The following ERICH3 variants were observed in gnomAD, a reference collection of about 807,000 sequenced individuals.
ERICH3 encodes glutamate rich 3, also known as glutamate-rich protein 3.
A neutral mutation model predicts 131.1 loss-of-function variants in ERICH3; 126 were observed. The ratio of observed to expected loss-of-function variants is 0.96; its 90% CI spans 0.83 to 1.11. The LOEUF is 1.11. ERICH3 is among the 50% of genes most tolerant of loss of function. The probability of loss-of-function intolerance (pLI) is 0.00; values close to 1 mark genes in which losing one functional copy is unlikely to be tolerated. For synonymous variants in ERICH3, 695 were observed against 644.6 expected (o/e 1.08, Z -1.18); for missense variants, 2,050 against 1,810.7 (o/e 1.13, Z -2.40).
intron 6 of ERICH3, among the ~76,000 whole-genome samples, chr1:74,635,418 C>A (rs1396664738): frequency 6.6e-6 from 1 of 152,118 alleles, no homozygotes; most frequent in Non-Finnish European, 1.5e-5. Flanking sequence ...TATACTTTTA[C>A]TGTGAAACAC....
At chr1:74,672,931 C>T (rs1646755051) in intron 1 of ERICH3, among the ~76,000 whole-genome samples, 1 of 152,130 alleles carries the variant, frequency 6.6e-6, no homozygotes, top group Non-Finnish European at 1.5e-5. Context: ...CTCTCTTTTC[C>T]TGTGCCATAT....
chr1:74,569,042 C>A lies in ERICH3; in HGVS notation c.*1416G>T, dbSNP rs1646905497. ...TTTTGATCATTGAATGGCTCCATTA[C>A]ACATTAAAATGGAAAATACCTACTA... On this transcript the variant is annotated 3_prime_UTR_variant, in exon 15 of 15. Transcript: ENST00000326665. 6.6e-6 allele frequency: 1 copy of A among 152,180 alleles called. No homozygotes were observed. Among genetic ancestry groups the A allele is most frequent in the Non-Finnish European group, 1.5e-5 (1 of 68,040 alleles). The allele number at this position is 152,180 out of a possible 1,614,324, so 9.4% of individuals were successfully genotyped here. A position where few individuals can be genotyped will look rare whatever the true frequency, so the allele number is the denominator to read the frequency against.
chr1:74,597,650 G>A (rs554138541), intron 11 of ERICH3, among the ~76,000 whole-genome samples: 22 of 151,896 alleles, frequency 1.4e-4, no homozygotes, highest in East Asian at 1.4e-3. Context: ...AAACATCTTC[G>A]TATTATTGGT....
In ERICH3 at chr1:74,588,953, A is replaced by G. The variant is rs111728228; in HGVS notation, c.2176+678T>C. On this transcript the variant is annotated intron_variant, in intron 12 of 14. Coordinates refer to ENST00000326665, the MANE Select transcript of ERICH3 (RefSeq NM_001002912.5). ...GTTTGGAATCTTGTAAGAAAATTTT[A>G]CACTATTATCTAAATCTAAATTCAT... is the stretch of plus-strand genomic sequence containing the variant. 2.9e-3 allele frequency among the ~76,000 whole-genome samples: 437 copies of G among 152,316 alleles called. 3 individuals are homozygous for G. Among genetic ancestry groups the G allele is most frequent in the African/African-American group, 0.01 (425 of 41,578 alleles).
intron 7 of ERICH3, among the ~76,000 whole-genome samples, chr1:74,631,495 A>G (rs1358644916): frequency 6.6e-6 from 1 of 152,110 alleles, no homozygotes; most frequent in Non-Finnish European, 1.5e-5. Context: ...AAGAATTGTT[A>G]AATCTTTTAT....
chr1:74,571,692 C>T lies in ERICH3; in HGVS notation c.4018G>A (p.Val1340Met). The T allele has an allele frequency of 6.2e-7, 1 of 1,614,096 alleles. No homozygotes were observed. Among genetic ancestry groups the T allele is most frequent in the South Asian group, 1.1e-5 (1 of 91,072 alleles). The change falls in exon 14 of 15, where the codon GTG (valine) becomes ATG (methionine). Residue 1340 changes from valine (V) to methionine (M), a missense_variant. Transcript: ENST00000326665. Reference protein sequence around the residue: ...EGMGGGRVVAVEVLHGGGETA... With the variant: ...EGMGGGRVVAMEVLHGGGETA... Reference sequence around the variant, plus strand: ...TCACCACCTCCGTGTAGAACTTCCACAGCCACAACCCTTCCTCCTCCCATG... The same window carrying T: ...TCACCACCTCCGTGTAGAACTTCCATAGCCACAACCCTTCCTCCTCCCATG...
At chr1:74,634,616 G>T in intron 6 of ERICH3, 1 of 708,346 alleles carries the variant, frequency 1.4e-6, no homozygotes, top group South Asian at 1.5e-5. Context: ...ACAAAGTATT[G>T]ATCAAAGTAG....
At chr1:74,652,011 C>A (rs1453132477) in intron 1 of ERICH3, among the ~76,000 whole-genome samples, 2 of 152,112 alleles carry the variant, frequency 1.3e-5, no homozygotes, top group Non-Finnish European at 1.5e-5. Context: ...TTTTACACAT[C>A]ATCTTTTCCT....
chr1:74,665,624 G>C (rs1004032954), intron 1 of ERICH3, among the ~76,000 whole-genome samples: 1 of 152,110 alleles, frequency 6.6e-6, no homozygotes, highest in Non-Finnish European at 1.5e-5. Flanking sequence ...TTCTTCTGAG[G>C]GCCATGAGAG....
chr1:74,612,020 T>C (rs1570866987), intron 9 of ERICH3, among the ~76,000 whole-genome samples: 1 of 152,094 alleles, frequency 6.6e-6, no homozygotes, highest in Non-Finnish European at 1.5e-5. Context: ...TTTTAGAAAA[T>C]ATGAAAGCCC....
chr1:74,668,158 G>C (rs866726679), intron 1 of ERICH3, among the ~76,000 whole-genome samples: 4 of 152,090 alleles, frequency 2.6e-5, no homozygotes, highest in Non-Finnish European at 2.9e-5. Flanking sequence ...GTGTAAGAAT[G>C]GGCCAATAGA....
chr1:74,657,243 G>A (rs1459441603), intron 1 of ERICH3, among the ~76,000 whole-genome samples: 1 of 151,880 alleles, frequency 6.6e-6, no homozygotes, highest in Non-Finnish European at 1.5e-5. Flanking sequence ...TTTTTCTTGT[G>A]TTTGAAAAAA....
rs201537660 is a variant in ERICH3, at chr1:74,673,492, C to T, written c.23+5G>A. 1.7e-5 allele frequency: 27 copies of T among 1,612,946 alleles called. No homozygotes were observed. In the Admixed American group the frequency reaches 4.3e-4, roughly 26 times the overall value. On this transcript the variant is annotated splice_donor_5th_base_variant and intron_variant, in intron 1 of 14. Transcript: ENST00000326665. ...CAGCGTGGAAAAGCTCCAGTTGTCA[C>T]TTACCCAGCGGGGTGAGAATGGCTC... is the stretch of plus-strand genomic sequence containing the variant.
At position 74,599,749 on chromosome 1, in the gene ERICH3, C is replaced by T; in HGVS notation, c.1672G>A (p.Val558Met). 6.2e-7 allele frequency: 1 copy of T among 1,612,286 alleles called. No homozygotes were observed. Among genetic ancestry groups the T allele is most frequent in the Non-Finnish European group, 8.5e-7 (1 of 1,178,936 alleles). Residue 558 changes from valine to methionine, a missense_variant, in exon 11 of 15, where the codon GTG becomes ATG. Coordinates refer to ENST00000326665, the MANE Select transcript of ERICH3 (RefSeq NM_001002912.5). ...GAGCATCCATCATTCTCATCTTTCA[C>T]ATTGTCACGGGCATCTGGTGCCTTC... Reference protein sequence around the residue: ...SQKAPDARDNVKDENDGCSES... With the variant: ...SQKAPDARDNMKDENDGCSES...
At chr1:74,610,798 C>G (rs969657900) in intron 9 of ERICH3, among the ~76,000 whole-genome samples, 1 of 151,940 alleles carries the variant, frequency 6.6e-6, no homozygotes, top group Admixed American at 6.6e-5. Flanking sequence ...ATAACTCGTG[C>G]CATGATCACC....
At chr1:74,601,906 G>C (rs1046013051) in intron 10 of ERICH3, among the ~76,000 whole-genome samples, 2 of 151,826 alleles carry the variant, frequency 1.3e-5, no homozygotes, top group East Asian at 1.9e-4. Flanking sequence ...TGAGTATTGA[G>C]AACAATAATC....
chr1:74,601,253 G>T (rs1009479326), intron 10 of ERICH3, among the ~76,000 whole-genome samples: 1 of 151,730 alleles, frequency 6.6e-6, no homozygotes, highest in African/African-American at 2.4e-5. Flanking sequence ...TGCCGGCCAA[G>T]TTATAGGATA....
At chr1:74,590,113 G>T in intron 11 of ERICH3, 33 bp from the exon 12 acceptor site, 1 of 1,483,788 alleles carries the variant, frequency 6.7e-7, no homozygotes, top group Non-Finnish European at 9.1e-7. Context: ...CATTGTTGTT[G>T]TTCTGTAAAG....
intron 3 of ERICH3, among the ~76,000 whole-genome samples, chr1:74,646,357 T>C (rs1034007069): frequency 1.3e-5 from 2 of 152,072 alleles, no homozygotes; most frequent in Admixed American, 1.3e-4. Flanking sequence ...AAATGAAAAA[T>C]GTACATTTGG....
Sources: allele counts gnomAD v4.1 joint callset (sites outside exome capture counted in the v4.1 genomes callset), GRCh38; gene constraint gnomAD v4.1.1; transcripts MANE v1.5; gene names NCBI Gene and HGNC (gene_info 2026-07-23, HGNC 2026-07-21).